Variants in CREBBP observed in about 807,000 individuals in gnomAD.
CREBBP encodes CREB binding lysine acetyltransferase.
CREBBP carries 19 observed loss-of-function variants against 265.0 expected under a neutral mutation model. The observed-to-expected ratio is 0.07, with a 90% CI of 0.05 to 0.11. CREBBP has a LOEUF of 0.11. Ranked by LOEUF, CREBBP falls within the 10% of genes least tolerant of loss-of-function variation. CREBBP has a pLI of 1.00. For synonymous variants in CREBBP, 1,457 were observed against 1,223.7 expected, an observed-to-expected ratio of 1.19 and a Z score of -3.98; for missense variants, 2,525 against 3,219.0, an observed-to-expected ratio of 0.78 and a Z score of 5.22.
chr16:3,774,717 C>T (rs1323287019), intron 11 of CREBBP, 24 bp from the exon 12 acceptor site: 1 of 1,614,040 alleles, frequency 6.2e-7, no homozygotes, highest in Admixed American at 1.7e-5. Flanking sequence ...CACAACGGTT[C>T]ATTAGGAAAA....
At chr16:3,740,588 A>G (rs1289922667) in intron 23 of CREBBP, 39 bp from the exon 24 acceptor site, 1 of 1,612,754 alleles carries the variant, frequency 6.2e-7, no homozygotes, top group Non-Finnish European at 8.5e-7. Flanking sequence ...GGGCTTCAAC[A>G]GCACTGCTGA....
intron 3 of CREBBP, among the ~76,000 whole-genome samples, chr16:3,803,666 T>C (rs2053771305): frequency 1.3e-5 from 2 of 152,082 alleles, no homozygotes; most frequent in Non-Finnish European, 2.9e-5. Flanking sequence ...GTAAGAAATG[T>C]GGCCAAGGGC....
chr16:3,772,957 G>A (rs947672265), intron 13 of CREBBP, among the ~76,000 whole-genome samples: 13 of 150,906 alleles, frequency 8.6e-5, no homozygotes, highest in African/African-American at 3.2e-4. Flanking sequence ...GTGTGGTGGC[G>A]GGCATCTGTA....
rs398124143 is a variant in CREBBP at position 3,769,164 on chromosome 16, C to T, written c.3060+10G>A. On this transcript the variant is annotated intron_variant, in intron 15 of 30. Transcript: ENST00000262367. Reference sequence around the variant, plus strand: ...ACGCAGTCAATGCATTCCTAGGGAGCGGCACCCACCTCAGACCTGGGCTCC... The same window carrying T: ...ACGCAGTCAATGCATTCCTAGGGAGTGGCACCCACCTCAGACCTGGGCTCC... 97 of 1,613,674 alleles carry T rather than the reference C, an allele frequency of 6.0e-5. No homozygotes were observed. The South Asian group carries it at 6.5e-4, about 11-fold the overall frequency.
chr16:3,762,797 C>T (rs1051035038), intron 16 of CREBBP, among the ~76,000 whole-genome samples: 8 of 147,584 alleles, frequency 5.4e-5, no homozygotes, highest in East Asian at 2.1e-4. Flanking sequence ...TTTTTTGAGA[C>T]GGAGTCTTGC....
At chr16:3,837,731 C>G (rs2054484449) in intron 2 of CREBBP, among the ~76,000 whole-genome samples, 1 of 151,364 alleles carries the variant, frequency 6.6e-6, no homozygotes, top group South Asian at 2.1e-4. Flanking sequence ...GTGTTTTAAG[C>G]TAAGTGTTAA....
intron 1 of CREBBP, among the ~76,000 whole-genome samples, chr16:3,869,277 T>G (rs1201799745): frequency 1.3e-5 from 2 of 152,146 alleles, no homozygotes; most frequent in African/African-American, 2.4e-5. Context: ...TCACCACCCA[T>G]GAGGGCAGAG....
chr16:3,838,963 T>C (rs1211434841), intron 2 of CREBBP, among the ~76,000 whole-genome samples: 1 of 152,224 alleles, frequency 6.6e-6, no homozygotes, highest in East Asian at 1.9e-4. Context: ...ACCTCGCTAG[T>C]TCACTACTCA....
intron 3 of CREBBP, among the ~76,000 whole-genome samples, chr16:3,796,793 A>G (rs1319229969): frequency 1.3e-5 from 2 of 152,130 alleles, no homozygotes; most frequent in African/African-American, 4.8e-5. Flanking sequence ...TTATTTGTCT[A>G]CCTCTGGATG....
chr16:3,748,909 G>A (rs1216782842), intron 21 of CREBBP, among the ~76,000 whole-genome samples: 1 of 152,216 alleles, frequency 6.6e-6, no homozygotes, highest in African/African-American at 2.4e-5. Flanking sequence ...ACTTTGGGAG[G>A]CCGAGACAGG....
chr16:3,827,589 C>T (rs1217454270), intron 2 of CREBBP, among the ~76,000 whole-genome samples: 3 of 152,036 alleles, frequency 2.0e-5, no homozygotes, highest in Non-Finnish European at 4.4e-5. Context: ...GACGGGGTTT[C>T]ACCTAGTTAG....
rs1442765003 is a variant in CREBBP at position 3,727,655 on chromosome 16, G to A, written c.*63C>T. The A allele has an allele frequency of 8.1e-6, 13 of 1,613,312 alleles. No homozygotes were observed. In the East Asian group the frequency reaches 2.5e-4, roughly 30 times the overall value. The stretch of plus-strand genomic sequence containing the variant: ...ATCTAGGAATAAAAAGAACCTAGAT[G>A]CCTGGATTTTCAGTACAAAAGGTCC... On this transcript the variant is annotated 3_prime_UTR_variant, in exon 31 of 31. Transcript: ENST00000262367.
At chr16:3,870,511 C>T (rs1245362927) in intron 1 of CREBBP, among the ~76,000 whole-genome samples, 1 of 152,168 alleles carries the variant, frequency 6.6e-6, no homozygotes, top group African/African-American at 2.4e-5. Flanking sequence ...ATTAAGAGTT[C>T]AATTTTCCAA....
At chr16:3,808,738 G>C (rs952113991) in intron 3 of CREBBP, among the ~76,000 whole-genome samples, 1 of 152,222 alleles carries the variant, frequency 6.6e-6, no homozygotes, top group African/African-American at 2.4e-5. Flanking sequence ...TGTTAGGTCA[G>C]GGTTTCCCTG....
At chr16:3,835,284 A>T (rs2054422605) in intron 2 of CREBBP, among the ~76,000 whole-genome samples, 1 of 152,208 alleles carries the variant, frequency 6.6e-6, no homozygotes, top group Non-Finnish European at 1.5e-5. Context: ...ATGAAGGGCC[A>T]GTTAATAAAT....
Position 3,772,956 on chromosome 16 carries a change from C to T in CREBBP, c.2463+795G>A, listed in dbSNP as rs370515850. On this transcript the variant is annotated intron_variant, in intron 13 of 30. Coordinates refer to ENST00000262367, the MANE Select transcript of CREBBP (RefSeq NM_004380.3). ...AAAAAAAATTAGCTGGGTGTGGTGGCGGGCATCTGTAACCCCAGGTACTTG... is the reference window on the plus strand; with the variant it reads ...AAAAAAAATTAGCTGGGTGTGGTGGTGGGCATCTGTAACCCCAGGTACTTG... Among the ~76,000 whole-genome samples the T allele has an allele frequency of 1.2e-4, 18 of 146,396 alleles. No individual in the cohort carries two copies. In the South Asian group the frequency reaches 1.3e-3, roughly 11 times the overall value.
intron 1 of CREBBP, among the ~76,000 whole-genome samples, chr16:3,852,035 CAAAAAAAAAAAAAAAAAA>C (rs551018184): frequency 1.2e-3 from 13 of 11,186 alleles, no homozygotes; most frequent in Admixed American, 4.6e-3. Flanking sequence ...GACTCCATCT[CAAAAAAAAAAAAAAAAAA>C]AAAAAAAAAA....
rs145621827 is a variant in CREBBP at position 3,805,648 on chromosome 16, T to A, written c.975+4955A>T. On this transcript the variant is annotated intron_variant, in intron 3 of 30. Coordinates refer to ENST00000262367, the MANE Select transcript of CREBBP (RefSeq NM_004380.3). ...AATCTAGACAGGGGACAGAAAATTATGAAAATATGACAAACAAGGTTGGGG... is the reference window on the plus strand; with the variant it reads ...AATCTAGACAGGGGACAGAAAATTAAGAAAATATGACAAACAAGGTTGGGG... Among the ~76,000 whole-genome samples, 492 of 152,214 alleles carry A rather than the reference T, an allele frequency of 3.2e-3. 6 individuals are homozygous for A. The highest frequency in any genetic ancestry group is 3.4e-3 in the Middle Eastern group (1 of 294).
intron 1 of CREBBP, among the ~76,000 whole-genome samples, chr16:3,860,069 C>T (rs2055042123): frequency 6.6e-6 from 1 of 152,046 alleles, no homozygotes; most frequent in Non-Finnish European, 1.5e-5. Context: ...GATCTGACAC[C>T]ATCTGCCTGT....
Sources: gnomAD v4.1 joint callset for allele counts (sites outside exome capture counted in the v4.1 genomes callset) on GRCh38, gnomAD v4.1.1 for gene constraint, MANE v1.5 for transcripts, NCBI Gene and HGNC (gene_info 2026-07-23, HGNC 2026-07-21) for gene names.